The following CNTN4 variants were observed in gnomAD, a reference collection of about 807,000 sequenced individuals.
CNTN4 encodes contactin-4.
Under a neutral mutation model 122.5 loss-of-function variants are expected in CNTN4, and 77 were observed. The observed-to-expected ratio is 0.63, with a 90% confidence interval of 0.52 to 0.76. The LOEUF is 0.76. CNTN4 is among the 30% of genes least tolerant of loss of function. CNTN4 has a pLI of 0.00. For synonymous variants in CNTN4, 512 were observed against 447.0 expected (o/e 1.15, Z -1.83); for missense variants, 1,256 against 1,259.1 (o/e 1.00, Z 0.04).
rs151242749 is a variant in CNTN4 at position 2,261,610 on chromosome 3, A to T, written c.-144-77568A>T. The stretch of plus-strand genomic sequence containing the variant: ...TGGGATAGAAGCTTCTGCATCAACC[A>T]TTAACTATCAACACCAACTATTCCA... On this transcript the variant is annotated intron_variant, in intron 2 of 24. Transcript: ENST00000418658. 2.4e-3 allele frequency among the ~76,000 whole-genome samples: 366 copies of T among 152,304 alleles called. 1 individual carries two copies. Among genetic ancestry groups the T allele is most frequent in the African/African-American group, 8.6e-3 (356 of 41,562 alleles).
At chr3:2,484,648 A>G (rs561005910) in intron 3 of CNTN4, among the ~76,000 whole-genome samples, 49 of 152,342 alleles carry the variant, frequency 3.2e-4, no homozygotes, top group African/African-American at 1.2e-3. Context: ...AACGGCTACA[A>G]GGACATCCAC....
chr3:2,617,838 T>C (rs957634114), intron 4 of CNTN4, among the ~76,000 whole-genome samples: 3 of 152,158 alleles, frequency 2.0e-5, no homozygotes, highest in East Asian at 1.9e-4. Flanking sequence ...CTGTGCAAGA[T>C]GATGTCATTT....
intron 2 of CNTN4, among the ~76,000 whole-genome samples, chr3:2,222,871 C>T (rs1271050795): frequency 6.6e-6 from 1 of 152,188 alleles, no homozygotes; most frequent in Non-Finnish European, 1.5e-5. Context: ...GGAATTACCA[C>T]CATTATGTTT....
intron 13 of CNTN4, among the ~76,000 whole-genome samples, chr3:2,946,655 T>C (rs983351983): frequency 2.6e-5 from 4 of 151,696 alleles, no homozygotes; most frequent in African/African-American, 9.7e-5. Context: ...ACTTCGGACA[T>C]CTCTTCAAAA....
intron 3 of CNTN4, among the ~76,000 whole-genome samples, chr3:2,372,289 T>C (rs1471085205): frequency 6.6e-6 from 1 of 152,242 alleles, no homozygotes; most frequent in Non-Finnish European, 1.5e-5. Context: ...TAAATGGCTT[T>C]TAATGCTTGC....
At chr3:2,370,203 A>T (rs1467634667) in intron 3 of CNTN4, among the ~76,000 whole-genome samples, 1 of 152,222 alleles carries the variant, frequency 6.6e-6, no homozygotes, top group African/African-American at 2.4e-5. Flanking sequence ...TAAAGGCCCC[A>T]TGTCACAAAA....
chr3:2,506,543 A>C (rs545516928), intron 3 of CNTN4, among the ~76,000 whole-genome samples: 14 of 152,226 alleles, frequency 9.2e-5, no homozygotes, highest in Non-Finnish European at 2.1e-4. Context: ...GTGCTCAATA[A>C]ATATTTGTTG....
chr3:2,224,896 A>G (rs2039210206), intron 2 of CNTN4, among the ~76,000 whole-genome samples: 1 of 152,200 alleles, frequency 6.6e-6, no homozygotes, highest in Non-Finnish European at 1.5e-5. Context: ...CACGCCTGTA[A>G]TCCCAGCATT....
chr3:2,736,352 G>C lies in CNTN4; in HGVS notation c.182+11G>C. 2 of 1,612,230 alleles carry C rather than the reference G, an allele frequency of 1.2e-6. No homozygotes were observed. The highest frequency in any genetic ancestry group is 1.7e-6 in the Non-Finnish European group (2 of 1,178,734). ...AAAACCTCATATCAGGTTTGTTGAT[G>C]TAAAAGCATGTGTTTCCATGCATAT... On this transcript the variant is annotated intron_variant, in intron 5 of 24. Coordinates refer to ENST00000418658, the MANE Select transcript of CNTN4 (RefSeq NM_175607.3).
At chr3:2,457,709 G>T (rs1213854788) in intron 3 of CNTN4, among the ~76,000 whole-genome samples, 1 of 152,080 alleles carries the variant, frequency 6.6e-6, no homozygotes, top group Admixed American at 6.6e-5. Flanking sequence ...GCCCCTGTCT[G>T]CCATATTGGG....
chr3:2,849,848 G>A (rs1347141370), intron 7 of CNTN4, among the ~76,000 whole-genome samples: 1 of 152,146 alleles, frequency 6.6e-6, no homozygotes, highest in Non-Finnish European at 1.5e-5. Context: ...AAACAGGCCA[G>A]TCACTGCTCA....
intron 14 of CNTN4, among the ~76,000 whole-genome samples, chr3:3,014,164 T>C (rs796231396): frequency 1.5e-4 from 23 of 152,262 alleles, no homozygotes; most frequent in African/African-American, 5.3e-4. Context: ...GTTTTTTGAC[T>C]AACCAAGACC....
intron 2 of CNTN4, among the ~76,000 whole-genome samples, chr3:2,166,620 C>T (rs1451921182): frequency 2.0e-5 from 3 of 152,026 alleles, no homozygotes; most frequent in Non-Finnish European, 4.4e-5. Flanking sequence ...AAAATGCAAT[C>T]ATTTTTGTCT....
At chr3:2,369,826 G>C (rs76303773) in intron 3 of CNTN4, among the ~76,000 whole-genome samples, 1,933 of 152,166 alleles carry the variant, frequency 0.013, 46 homozygotes, top group African/African-American at 0.042. Context: ...TTTAGAACCA[G>C]CTGCCTTTCT....
intron 4 of CNTN4, among the ~76,000 whole-genome samples, chr3:2,692,019 G>A (rs773730396): frequency 2.0e-5 from 3 of 152,114 alleles, no homozygotes; most frequent in Non-Finnish European, 4.4e-5. Context: ...AACACCCTGC[G>A]TCCTTGTTAT....
intron 4 of CNTN4, among the ~76,000 whole-genome samples, chr3:2,720,523 G>C (rs145670135): frequency 6.6e-6 from 1 of 152,230 alleles, no homozygotes; most frequent in East Asian, 1.9e-4. Context: ...GGAAAGATGT[G>C]CTTGCTCACT....
chr3:2,469,867 T>TC (rs1395411635), intron 3 of CNTN4, among the ~76,000 whole-genome samples: 3 of 152,206 alleles, frequency 2.0e-5, no homozygotes, highest in Admixed American at 6.5e-5. Context: ...CTAATTTAAC[T>TC]CATCTGAAGT....
chr3:2,304,601 T>G (rs968036842), intron 2 of CNTN4, among the ~76,000 whole-genome samples: 1 of 152,000 alleles, frequency 6.6e-6, no homozygotes, highest in Non-Finnish European at 1.5e-5. Flanking sequence ...ACTGTTGGCC[T>G]TGGTAATTAG....
At chr3:2,655,358 C>T (rs1377838861) in intron 4 of CNTN4, among the ~76,000 whole-genome samples, 2 of 152,200 alleles carry the variant, frequency 1.3e-5, no homozygotes, top group Admixed American at 6.5e-5. Context: ...CTATTTTTAA[C>T]ATTTTTAATG....
Sources: gnomAD v4.1 joint callset for allele counts (sites outside exome capture counted in the v4.1 genomes callset) on GRCh38, gnomAD v4.1.1 for gene constraint, MANE v1.5 for transcripts, NCBI Gene and HGNC (gene_info 2026-07-23, HGNC 2026-07-21) for gene names.